Variants in MACROD2 observed in about 807,000 individuals in gnomAD.
MACROD2 encodes ADP-ribose glycohydrolase MACROD2.
A neutral mutation model predicts 70.4 loss-of-function variants in MACROD2; 36 were observed. The observed-to-expected ratio is 0.51, with a 90% CI of 0.39 to 0.68. The LOEUF is 0.68. Ranked by LOEUF, MACROD2 falls within the 30% of genes least tolerant of loss-of-function variation. MACROD2 has a pLI of 0.00. For synonymous variants in MACROD2, 172 were observed against 178.8 expected (o/e 0.96, Z 0.30); for missense variants, 496 against 538.4 (o/e 0.92, Z 0.78).
intron 3 of MACROD2, among the ~76,000 whole-genome samples, chr20:14,145,962 T>G (rs569727070): frequency 6.6e-6 from 1 of 152,352 alleles, no homozygotes; most frequent in South Asian, 2.1e-4. Flanking sequence ...TTGTTTTATG[T>G]AAACCAGTAT....
Position 15,112,550 on chromosome 20 carries a change from G to A in MACROD2, c.419-117390G>A, listed in dbSNP as rs995213178. On this transcript the variant is annotated intron_variant, in intron 5 of 17. Transcript: ENST00000684519. Reference sequence around the variant, plus strand: ...AGAAAGAAAAAAATGCAGTGAGATCGTACAACTAAGAAATGGTAAAACCCA... The same window carrying A: ...AGAAAGAAAAAAATGCAGTGAGATCATACAACTAAGAAATGGTAAAACCCA... Among the ~76,000 whole-genome samples, 5 of 151,948 alleles carry A rather than the reference G, an allele frequency of 3.3e-5. No homozygotes were observed. In the East Asian group the frequency reaches 5.8e-4, roughly 18 times the overall value.
intron 3 of MACROD2, among the ~76,000 whole-genome samples, chr20:14,363,462 G>A (rs983186456): frequency 6.6e-6 from 1 of 152,096 alleles, no homozygotes; most frequent in Admixed American, 6.6e-5. Flanking sequence ...AAATGACATA[G>A]CATATTTAAT....
chr20:15,707,380 G>A (rs1568985811), intron 8 of MACROD2, among the ~76,000 whole-genome samples: 2 of 152,140 alleles, frequency 1.3e-5, no homozygotes, highest in Non-Finnish European at 1.5e-5. Context: ...TAATTATCAT[G>A]CCTCTATAGT....
At chr20:15,587,164 G>A (rs1396245044) in intron 8 of MACROD2, among the ~76,000 whole-genome samples, 1 of 152,146 alleles carries the variant, frequency 6.6e-6, no homozygotes, top group Admixed American at 6.5e-5. Context: ...GAGATGAAAG[G>A]TACTTCTTAC....
intron 5 of MACROD2, among the ~76,000 whole-genome samples, chr20:15,110,164 G>C (rs978556881): frequency 6.6e-6 from 1 of 151,994 alleles, no homozygotes; most frequent in Non-Finnish European, 1.5e-5. Flanking sequence ...GTGTGCCCTG[G>C]GTTTGTCTTG....
intron 3 of MACROD2, among the ~76,000 whole-genome samples, chr20:14,348,681 C>T (rs2083089493): frequency 6.6e-6 from 1 of 152,068 alleles, no homozygotes; most frequent in African/African-American, 2.4e-5. Context: ...ATATGTGATG[C>T]TTACAGATTC....
rs6043395 is a variant in MACROD2, at chr20:15,613,046, T to C, written c.645+113199T>C. On this transcript the variant is annotated intron_variant, in intron 8 of 17. Transcript: ENST00000684519. ...CCTGTGGCAAAAAGGGAGAGAAATATTCAGCTGCATCTCTAGACCTCTATC... is the reference window on the plus strand; with the variant it reads ...CCTGTGGCAAAAAGGGAGAGAAATACTCAGCTGCATCTCTAGACCTCTATC... Among the ~76,000 whole-genome samples, 1,445 of 152,316 alleles carry C rather than the reference T, an allele frequency of 9.5e-3. 20 individuals carry two copies. Among genetic ancestry groups the C allele is most frequent in the African/African-American group, 0.033 (1,370 of 41,562 alleles).
chr20:14,722,216 C>G (rs1157204519), intron 5 of MACROD2, among the ~76,000 whole-genome samples: 4 of 152,134 alleles, frequency 2.6e-5, no homozygotes, highest in South Asian at 2.1e-4. Context: ...ATGTGCAATT[C>G]AAGGCTTTGC....
chr20:15,772,084 C>CAAA (rs753205618), intron 8 of MACROD2, among the ~76,000 whole-genome samples: 9 of 70,702 alleles, frequency 1.3e-4, no homozygotes, highest in African/African-American at 2.5e-4. Flanking sequence ...GACTCGGTCT[C>CAAA]AAAAAAAAAA....
chr20:15,776,996 C>T (rs778276277), intron 8 of MACROD2, among the ~76,000 whole-genome samples: 1 of 152,114 alleles, frequency 6.6e-6, no homozygotes, highest in Non-Finnish European at 1.5e-5. Context: ...ATTAGTCTTC[C>T]TATTGTCCAT....
At chr20:15,355,876 G>A (rs539807911) in intron 6 of MACROD2, among the ~76,000 whole-genome samples, 2 of 152,024 alleles carry the variant, frequency 1.3e-5, no homozygotes, top group Non-Finnish European at 2.9e-5. Flanking sequence ...CAAGCATTAG[G>A]CCCCTATAAA....
chr20:15,188,934 T>A (rs192555990), intron 5 of MACROD2, among the ~76,000 whole-genome samples: 1 of 152,334 alleles, frequency 6.6e-6, no homozygotes. Flanking sequence ...TCACCACTGT[T>A]GATTGGTAAA....
At chr20:15,506,469 A>G (rs761978281) in intron 8 of MACROD2, among the ~76,000 whole-genome samples, 3 of 152,202 alleles carry the variant, frequency 2.0e-5, no homozygotes, top group Non-Finnish European at 4.4e-5. Context: ...AAACTGTTGC[A>G]CTTTAACTTC....
intron 3 of MACROD2, among the ~76,000 whole-genome samples, chr20:14,312,058 A>C (rs1358507630): frequency 3.3e-5 from 5 of 152,178 alleles, no homozygotes; most frequent in Non-Finnish European, 7.3e-5. Flanking sequence ...TAATATTTAT[A>C]ATACAATAAT....
chr20:14,171,158 C>CT (rs1201081377), intron 3 of MACROD2, among the ~76,000 whole-genome samples: 6 of 151,912 alleles, frequency 3.9e-5, no homozygotes, highest in East Asian at 1.9e-4. Flanking sequence ...CCTTGAATGA[C>CT]TTTTTTTGTA....
At position 14,493,490 on chromosome 20, in the gene MACROD2, C is replaced by A. The variant is rs2084817325; in HGVS notation, c.283C>A (p.Leu95Ile). Residue 95 changes from leucine to isoleucine, a missense_variant, in exon 4 of 18, where the codon CTT (leucine) becomes ATT (isoleucine). By Grantham distance (5) the Leu-to-Ile change is conservative (BLOSUM62 2). Coordinates refer to ENST00000684519, the MANE Select transcript of MACROD2 (RefSeq NM_001351661.2). ...TTTGTTTTAAACAGCAAATGCCAGT[C>A]TTCTTGGAGGAGGAGGTGGTAAGTC... is the stretch of plus-strand genomic sequence containing the variant. ...DAIVNAANASLLGGGGVDGCI... is the reference protein window; with the variant it reads ...DAIVNAANASILGGGGVDGCI... The A allele has an allele frequency of 6.2e-7, 1 of 1,608,822 alleles. No homozygotes were observed. The highest frequency in any genetic ancestry group is 8.5e-7 in the Non-Finnish European group (1 of 1,176,464).
intron 5 of MACROD2, among the ~76,000 whole-genome samples, chr20:14,813,860 T>C (rs553641130): frequency 2.1e-4 from 32 of 152,176 alleles, no homozygotes; most frequent in Non-Finnish European, 2.9e-4. Flanking sequence ...ATGTTGTAGG[T>C]TGGGGCTGAA....
chr20:14,299,601 GA>G (rs1310212457), intron 3 of MACROD2, among the ~76,000 whole-genome samples: 11 of 152,142 alleles, frequency 7.2e-5, no homozygotes, highest in African/African-American at 2.7e-4. Context: ...GGTTTGAGAG[GA>G]CTTTTGGTGG....
At chr20:14,862,559 A>ATATATATG in intron 5 of MACROD2, among the ~76,000 whole-genome samples, 2 of 12,288 alleles carry the variant, frequency 1.6e-4, no homozygotes, top group Non-Finnish European at 3.9e-4. Context: ...ATATATATAA[A>ATATATATG]TATAAATATA....
Sources: allele counts gnomAD v4.1 joint callset (sites outside exome capture counted in the v4.1 genomes callset), GRCh38; gene constraint gnomAD v4.1.1; transcripts MANE v1.5; gene names NCBI Gene and HGNC (gene_info 2026-07-23, HGNC 2026-07-21).